The following NDUFAF5 variants were observed in gnomAD, a reference collection of about 807,000 sequenced individuals.
NDUFAF5 encodes the protein NADH:ubiquinone oxidoreductase complex assembly factor 5.
NDUFAF5 carries 34 observed loss-of-function variants against 48.9 expected under a neutral mutation model. That is an observed-to-expected ratio of 0.70 (90% CI 0.53 to 0.93). The LOEUF (loss-of-function observed/expected upper bound fraction) is 0.93. Among genes scored for constraint, NDUFAF5 ranks in the 40% least tolerant of loss-of-function variants. The probability of loss-of-function intolerance (pLI) is 0.00; values close to 1 mark genes in which losing one functional copy is unlikely to be tolerated. For missense variants in NDUFAF5, 428 were observed against 427.5 expected (o/e 1.00, Z -0.01); for synonymous variants, 153 against 150.6 (o/e 1.02, Z -0.12).
chr20:13,816,315 A>C, intron 8 of NDUFAF5, 148 bp from the exon 9 acceptor site: 1 of 710,050 alleles, frequency 1.4e-6, no homozygotes, highest in East Asian at 2.7e-5. Context: ...CCCAGTTATA[A>C]TCTGAAAGTG....
At position 13,817,796 on chromosome 20, in the gene NDUFAF5, T is replaced by G; in HGVS notation, c.*586T>G. The G allele has an allele frequency of 2.3e-6, 1 of 438,818 alleles. No homozygotes were observed. The highest frequency in any genetic ancestry group is 4.6e-6 in the Non-Finnish European group (1 of 217,410). 27.2% of individuals were successfully genotyped at this position (438,818 alleles called of 1,614,324 possible). A position where few individuals can be genotyped will look rare whatever the true frequency, so the allele number is the denominator to read the frequency against. On this transcript the variant is annotated 3_prime_UTR_variant, in exon 11 of 11. Coordinates refer to ENST00000378106, the MANE Select transcript of NDUFAF5 (RefSeq NM_024120.5). ...CCAGAAGTAGAATCACATGTAACAG[T>G]CTCTGCACAGTCATCAGTTTATTGT...
At chr20:13,813,390 G>A (rs1390422241) in intron 8 of NDUFAF5, among the ~76,000 whole-genome samples, 2 of 152,178 alleles carry the variant, frequency 1.3e-5, no homozygotes, top group African/African-American at 4.8e-5. Flanking sequence ...AATATTAAGA[G>A]AAATTATTTA....
At chr20:13,813,577 A>G (rs1243780603) in intron 8 of NDUFAF5, among the ~76,000 whole-genome samples, 1 of 152,222 alleles carries the variant, frequency 6.6e-6, no homozygotes, top group Admixed American at 6.5e-5. Flanking sequence ...GAACGCAAAG[A>G]TAGAGACAGA....
intron 3 of NDUFAF5, among the ~76,000 whole-genome samples, chr20:13,792,086 T>C (rs566485874): frequency 6.6e-6 from 1 of 152,314 alleles, no homozygotes; most frequent in South Asian, 2.1e-4. Flanking sequence ...TTCTTCCAAC[T>C]CCAGGGACCT....
chr20:13,799,698 CA>C (rs780212570), intron 6 of NDUFAF5, among the ~76,000 whole-genome samples: 243 of 81,334 alleles, frequency 3.0e-3, no homozygotes, highest in Admixed American at 3.5e-3. Context: ...GACTCTGTCT[CA>C]AAAAAAAAAA....
chr20:13,810,315 A>G (rs976114791), intron 8 of NDUFAF5, among the ~76,000 whole-genome samples: 3 of 152,224 alleles, frequency 2.0e-5, no homozygotes, highest in African/African-American at 7.2e-5. Context: ...ACCAAAGGAA[A>G]GAAAGAATGT....
chr20:13,814,469 C>A, intron 8 of NDUFAF5: 1 of 1,289,200 alleles, frequency 7.8e-7, no homozygotes, highest in South Asian at 1.2e-5. Flanking sequence ...TGCATATCAG[C>A]TGATGAATGC....
chr20:13,800,993 G>T (rs73081461), intron 6 of NDUFAF5, among the ~76,000 whole-genome samples: 6 of 152,134 alleles, frequency 3.9e-5, no homozygotes, highest in Non-Finnish European at 7.3e-5. Flanking sequence ...AGACCTAGAC[G>T]TGGAACTGGC....
At position 13,801,698 on chromosome 20, in the gene NDUFAF5, C is replaced by T. The variant is rs780298398; in HGVS notation, c.717+15C>T. 3.0e-5 allele frequency: 48 copies of T among 1,603,796 alleles called. No homozygotes were observed. The highest frequency in any genetic ancestry group is 6.6e-5 in the South Asian group (6 of 90,852). On this transcript the variant is annotated intron_variant, in intron 7 of 10. Coordinates refer to ENST00000378106, the MANE Select transcript of NDUFAF5 (RefSeq NM_024120.5). Reference sequence around the variant, plus strand: ...CTCTGACTGTGGTAACTATCAAGTTCGATTAACCCATAACTTACACAGTTC... The same window carrying T: ...CTCTGACTGTGGTAACTATCAAGTTTGATTAACCCATAACTTACACAGTTC...
At chr20:13,795,940 G>A (rs570100691) in intron 5 of NDUFAF5, among the ~76,000 whole-genome samples, 8 of 152,270 alleles carry the variant, frequency 5.3e-5, no homozygotes, top group African/African-American at 1.9e-4. Context: ...TATCAAATAG[G>A]TTATAGGATA....
intron 7 of NDUFAF5, among the ~76,000 whole-genome samples, chr20:13,804,838 G>A (rs1167782128): frequency 6.6e-6 from 1 of 152,152 alleles, no homozygotes; most frequent in East Asian, 1.9e-4. Context: ...TAGCAGGCCT[G>A]TTGGTAAACT....
chr20:13,796,468 CTTAGTTT>C (rs900459321), intron 5 of NDUFAF5, among the ~76,000 whole-genome samples: 1 of 152,094 alleles, frequency 6.6e-6, no homozygotes, highest in African/African-American at 2.4e-5. Flanking sequence ...GTATGAGCTC[CTTAGTTT>C]TTAAAGTATC....
Position 13,820,400 on chromosome 20 carries a change from G to A in NDUFAF5, c.*3190G>A, listed in dbSNP as rs896045590. On this transcript the variant is annotated 3_prime_UTR_variant, in exon 11 of 11. Coordinates refer to ENST00000378106, the MANE Select transcript of NDUFAF5 (RefSeq NM_024120.5). ...ACAGTATGACCTGCATTAAAGACAT[G>A]TACAGTTTTTTGGCCGGCTGCAGTG... 6.6e-6 allele frequency: 1 copy of A among 152,078 alleles called. No individual in the cohort carries two copies. The highest frequency in any genetic ancestry group is 1.5e-5 in the Non-Finnish European group (1 of 68,030). The allele number at this position is 152,078 out of a possible 1,614,324, so 9.4% of individuals were successfully genotyped here.
chr20:13,792,054 C>T (rs1049917785), intron 3 of NDUFAF5, among the ~76,000 whole-genome samples: 2 of 152,212 alleles, frequency 1.3e-5, no homozygotes, highest in Non-Finnish European at 2.9e-5. Flanking sequence ...CACACCACTG[C>T]CTATACCCTG....
At chr20:13,805,611 A>T (rs1010913421) in intron 7 of NDUFAF5, among the ~76,000 whole-genome samples, 2 of 152,132 alleles carry the variant, frequency 1.3e-5, no homozygotes, top group Non-Finnish European at 2.9e-5. Flanking sequence ...CCTGTGAGGC[A>T]TGTATACAGT....
At chr20:13,806,525 A>C (rs1375524691) in intron 7 of NDUFAF5, among the ~76,000 whole-genome samples, 1 of 152,204 alleles carries the variant, frequency 6.6e-6, no homozygotes, top group Non-Finnish European at 1.5e-5. Flanking sequence ...CAAAAATAAA[A>C]TAAAAAAAAT....
At chr20:13,797,430 ATTAAAATATTTGGAGGAAAC>A (rs1397007253) in intron 5 of NDUFAF5, among the ~76,000 whole-genome samples, 1 of 152,250 alleles carries the variant, frequency 6.6e-6, no homozygotes, top group Admixed American at 6.5e-5. Flanking sequence ...CTGTCAAGCC[ATTAAAATATTTGGAGGAAAC>A]TTAAATGCGT....
Position 13,787,368 on chromosome 20 carries a change from C to G in NDUFAF5, c.263+16C>G. On this transcript the variant is annotated intron_variant, in intron 2 of 10. Transcript: ENST00000378106. ...ACATACCCAGGTAAGTGGTGGTGAT[C>G]ATAATACAATACCATCAACTTTTGA... 1 of 1,611,766 alleles carries G rather than the reference C, an allele frequency of 6.2e-7. No individual in the cohort carries two copies. The highest frequency in any genetic ancestry group is 1.7e-4 in the Middle Eastern group (1 of 6,058).
chr20:13,791,222 G>C (rs1982227641), intron 3 of NDUFAF5, among the ~76,000 whole-genome samples: 1 of 152,206 alleles, frequency 6.6e-6, no homozygotes, highest in African/African-American at 2.4e-5. Context: ...TGTGGAACTG[G>C]AATTGGGATA....
Sources: gnomAD v4.1 joint callset for allele counts (sites outside exome capture counted in the v4.1 genomes callset) on GRCh38, gnomAD v4.1.1 for gene constraint, MANE v1.5 for transcripts, NCBI Gene and HGNC (gene_info 2026-07-23, HGNC 2026-07-21) for gene names.